The following UBR3 variants were observed in gnomAD, a reference collection of about 807,000 sequenced individuals.
UBR3 encodes the protein ubiquitin protein ligase E3 component n-recognin 3, also known as E3 ubiquitin-protein ligase UBR3.
Under a neutral mutation model 243.2 loss-of-function variants are expected in UBR3, and 85 were observed. The ratio of observed to expected loss-of-function variants is 0.35; its 90% CI spans 0.29 to 0.42. The LOEUF (loss-of-function observed/expected upper bound fraction) is 0.42. Among genes scored for constraint, UBR3 ranks in the 10% least tolerant of loss-of-function variants. The pLI, the probability that UBR3 is intolerant of heterozygous loss-of-function variation, is 1.00. For synonymous variants in UBR3, 748 were observed against 799.8 expected, an observed-to-expected ratio of 0.94 and a Z score of 1.09; for missense variants, 1,686 against 2,300.8, an observed-to-expected ratio of 0.73 and a Z score of 5.47.
At chr2:170,073,333 T>C in intron 35 of UBR3, 95 bp from the exon 36 acceptor site, 2 of 1,415,984 alleles carry the variant, frequency 1.4e-6, no homozygotes, top group African/African-American at 2.9e-5. Flanking sequence ...AAAGTTTTCT[T>C]ATTGTCTCAA....
chr2:169,994,734 T>C (rs1015044967), intron 26 of UBR3, among the ~76,000 whole-genome samples: 1 of 152,240 alleles, frequency 6.6e-6, no homozygotes, highest in African/African-American at 2.4e-5. Context: ...ACGTTGTTTC[T>C]TTCAACATTG....
intron 31 of UBR3, among the ~76,000 whole-genome samples, chr2:170,035,063 TTACATA>T (rs1559205837): frequency 1.3e-5 from 2 of 152,000 alleles, no homozygotes; most frequent in Non-Finnish European, 2.9e-5. Context: ...TACGAGTATT[TTACATA>T]TCAGTCCTTT....
At chr2:169,880,330 A>G (rs1242359263) in intron 5 of UBR3, among the ~76,000 whole-genome samples, 1 of 152,234 alleles carries the variant, frequency 6.6e-6, no homozygotes, top group Non-Finnish European at 1.5e-5. Context: ...TAGAATTGTC[A>G]TATTATTTTA....
At chr2:169,924,305 T>C in intron 13 of UBR3, 132 bp downstream of exon 13, 1 of 686,284 alleles carries the variant, frequency 1.5e-6, no homozygotes, top group East Asian at 2.9e-5. Context: ...TGTTATTGTA[T>C]TTTTGCTAGA....
chr2:169,879,155 GA>G (rs145941182), intron 5 of UBR3, among the ~76,000 whole-genome samples: 6,737 of 151,468 alleles, frequency 0.044, 219 homozygotes, highest in East Asian at 0.12. Flanking sequence ...ATTTATAAGA[GA>G]AAAATTGCTG....
intron 5 of UBR3, among the ~76,000 whole-genome samples, chr2:169,882,993 G>A (rs535778666): frequency 6.6e-6 from 1 of 152,308 alleles, no homozygotes; most frequent in African/African-American, 2.4e-5. Flanking sequence ...GCTGGTCTAA[G>A]TGTTCTTTCT....
chr2:169,845,342 G>A (rs1344955195), intron 1 of UBR3, among the ~76,000 whole-genome samples: 1 of 150,788 alleles, frequency 6.6e-6, no homozygotes, highest in East Asian at 2.0e-4. Flanking sequence ...AGGGTTACTT[G>A]AGTCTGGGAT....
At chr2:169,993,431 T>C (rs1023223977) in intron 25 of UBR3, among the ~76,000 whole-genome samples, 1 of 152,242 alleles carries the variant, frequency 6.6e-6, no homozygotes, top group Non-Finnish European at 1.5e-5. Context: ...TTTTTCATTA[T>C]CATTTCTTGT....
intron 10 of UBR3, among the ~76,000 whole-genome samples, chr2:169,913,031 A>T (rs2085314436): frequency 6.6e-6 from 1 of 152,138 alleles, no homozygotes; most frequent in Non-Finnish European, 1.5e-5. Context: ...GATCCTTCTG[A>T]CTTGGCCTCC....
chr2:169,876,863 C>T (rs963292597), intron 3 of UBR3, among the ~76,000 whole-genome samples: 21 of 152,138 alleles, frequency 1.4e-4, no homozygotes, highest in African/African-American at 4.6e-4. Flanking sequence ...CACGCCCGGC[C>T]CTACGTCTCT....
intron 27 of UBR3, among the ~76,000 whole-genome samples, chr2:170,004,024 T>C (rs552751660): frequency 1.3e-5 from 2 of 152,176 alleles, no homozygotes; most frequent in Non-Finnish European, 2.9e-5. Context: ...AGGTTTACAT[T>C]GTAAGGGGCC....
intron 19 of UBR3, among the ~76,000 whole-genome samples, chr2:169,936,303 C>T (rs2086326702): frequency 6.6e-6 from 1 of 152,128 alleles, no homozygotes. Context: ...AGGTGATCCG[C>T]CCACCTTGGC....
chr2:169,896,582 A>G lies in UBR3; in HGVS notation c.1312A>G (p.Thr438Ala), dbSNP rs1442927618. The change falls in exon 8 of 39, where the codon ACA (threonine) becomes GCA (alanine). Residue 438 changes from threonine (T) to alanine (A), a missense_variant. Around this residue, in one of 8 missense-constraint regions of UBR3, gnomAD observed 346 missense variants for 585.8 expected, o/e 0.59. Transcript: ENST00000272793. ...ACTGAAGAAAAGTCATGAATCAGAC[A>G]CAATGTCTAACAGAATTGTGCATAT... ...KTLKKSHESD[T>A]MSNRIVHISV... is the part of the protein sequence containing the mutation. 6.4e-7 allele frequency: 1 copy of G among 1,550,802 alleles called. No homozygotes were observed.
At chr2:169,896,332 G>A (rs1330208728) in intron 7 of UBR3, among the ~76,000 whole-genome samples, 175 bp from the exon 8 acceptor site, 2 of 151,324 alleles carry the variant, frequency 1.3e-5, no homozygotes, top group Admixed American at 1.3e-4. Context: ...AAAATATTTT[G>A]CAAATGTTCC....
chr2:170,075,655 C>G (rs1463099157), intron 36 of UBR3, among the ~76,000 whole-genome samples: 1 of 151,948 alleles, frequency 6.6e-6, no homozygotes. Flanking sequence ...CCCTTGTGTC[C>G]CTGCTCCACT....
At chr2:169,935,831 A>G (rs1274959955) in intron 19 of UBR3, among the ~76,000 whole-genome samples, 1 of 152,238 alleles carries the variant, frequency 6.6e-6, no homozygotes, top group Non-Finnish European at 1.5e-5. Context: ...GGCCTTCAAC[A>G]AATATATAAC....
intron 31 of UBR3, among the ~76,000 whole-genome samples, chr2:170,033,994 T>A (rs1290862912): frequency 7.0e-6 from 1 of 142,676 alleles, no homozygotes; most frequent in African/African-American, 2.5e-5. Context: ...ATAGAAACAA[T>A]TATTTTTTAA....
intron 24 of UBR3, among the ~76,000 whole-genome samples, chr2:169,968,369 G>T (rs559522473): frequency 6.6e-6 from 1 of 152,010 alleles, no homozygotes; most frequent in African/African-American, 2.4e-5. Flanking sequence ...CCTTCCCAGC[G>T]TCTGGTAACC....
chr2:169,924,063 CTT>C lies in UBR3; in HGVS notation c.1933-16_1933-15del. On this transcript the variant is annotated intron_variant, in intron 12 of 38. Coordinates refer to ENST00000272793, the MANE Select transcript of UBR3 (RefSeq NM_172070.4). ...TCAGAAATAAGAATTGAATTAGTAA[CTT>C]TTTTATTGTAATTTTTAGGCTGTGA... 6.6e-7 allele frequency: 1 copy of C among 1,525,916 alleles called. No individual in the cohort carries two copies. The highest frequency in any genetic ancestry group is 8.8e-7 in the Non-Finnish European group (1 of 1,138,624). The allele number at this position is 1,525,916 out of a possible 1,614,324, so 94.5% of individuals were successfully genotyped here.
Sources: gnomAD v4.1 joint callset for allele counts (sites outside exome capture counted in the v4.1 genomes callset) on GRCh38, gnomAD v4.1.1 for gene constraint, gnomAD v4.1.1 regional missense constraint, MANE v1.5 for transcripts, NCBI Gene and HGNC (gene_info 2026-07-23, HGNC 2026-07-21) for gene names.